The following DPP10 variants were observed in gnomAD, a reference collection of about 807,000 sequenced individuals.
DPP10 encodes the protein inactive dipeptidyl peptidase 10.
In DPP10, 33 loss-of-function variants were observed where a neutral mutation model predicts 120.9. The observed-to-expected ratio is 0.27, with a 90% CI of 0.21 to 0.37. The LOEUF (loss-of-function observed/expected upper bound fraction) is 0.37. Ranked by LOEUF, DPP10 falls within the 10% of genes least tolerant of loss-of-function variation. DPP10 has a pLI of 1.00. For synonymous variants in DPP10, 337 were observed against 326.1 expected, an observed-to-expected ratio of 1.03 and a Z score of -0.36; for missense variants, 816 against 942.8, an observed-to-expected ratio of 0.87 and a Z score of 1.76.
Position 115,457,001 on chromosome 2 carries a change from C to T in DPP10, c.272-42509C>T, listed in dbSNP as rs557939167. 1.3e-3 allele frequency among the ~76,000 whole-genome samples: 191 copies of T among 151,904 alleles called. 1 individual carries two copies. Among genetic ancestry groups the T allele is most frequent in the African/African-American group, 4.5e-3 (188 of 41,450 alleles). ...ACAAAAAAGAAATTGGAGGAATTGC[C>T]ATACCCGATTTCAAAACTTACTATA... On this transcript the variant is annotated intron_variant, in intron 3 of 25. Coordinates refer to ENST00000410059, the MANE Select transcript of DPP10 (RefSeq NM_020868.6).
At chr2:114,620,719 A>G (rs1247388594) in intron 1 of DPP10, among the ~76,000 whole-genome samples, 1 of 152,042 alleles carries the variant, frequency 6.6e-6, no homozygotes, top group Admixed American at 6.6e-5. Flanking sequence ...CAAATTCAAA[A>G]CTTCAGAGTT....
intron 1 of DPP10, among the ~76,000 whole-genome samples, chr2:115,026,533 C>G (rs1186291198): frequency 6.6e-6 from 1 of 151,492 alleles, no homozygotes; most frequent in Non-Finnish European, 1.5e-5. Flanking sequence ...TTTTTCTATT[C>G]CTTTTCTTTG....
At chr2:115,226,551 C>T (rs1238575520) in intron 1 of DPP10, among the ~76,000 whole-genome samples, 1 of 152,150 alleles carries the variant, frequency 6.6e-6, no homozygotes, top group African/African-American at 2.4e-5. Context: ...TCAAGTAAAA[C>T]TTAGCCGTGA....
chr2:115,699,516 T>C (rs1575556329), intron 7 of DPP10, among the ~76,000 whole-genome samples: 1 of 152,222 alleles, frequency 6.6e-6, no homozygotes, highest in African/African-American at 2.4e-5. Flanking sequence ...GCAAGAGAAT[T>C]GCTTGAACCT....
intron 1 of DPP10, among the ~76,000 whole-genome samples, chr2:115,208,922 T>G (rs1000330921): frequency 1.3e-5 from 2 of 152,176 alleles, no homozygotes; most frequent in African/African-American, 4.8e-5. Context: ...TTGACCCTTG[T>G]GCTTGGCTCT....
chr2:114,972,168 G>C (rs1389396769), intron 1 of DPP10, among the ~76,000 whole-genome samples: 1 of 152,164 alleles, frequency 6.6e-6, no homozygotes, highest in African/African-American at 2.4e-5. Context: ...GTCAGCAGCT[G>C]TGAACTTGTT....
chr2:115,756,458 G>A (rs1900279), intron 11 of DPP10, among the ~76,000 whole-genome samples: 85,792 of 151,746 alleles, frequency 0.57, 25,629 homozygotes, highest in East Asian at 0.72. Context: ...AATATATACA[G>A]TAATTACATG....
At chr2:114,757,568 A>G (rs1332791349) in intron 1 of DPP10, among the ~76,000 whole-genome samples, 1 of 152,180 alleles carries the variant, frequency 6.6e-6, no homozygotes, top group Non-Finnish European at 1.5e-5. Flanking sequence ...AGTGCCAGGG[A>G]GACTACTTGT....
chr2:115,145,540 T>C lies in DPP10; in HGVS notation c.61-163699T>C, dbSNP rs530074232. ...GTATGGATATACCACACTTTATTCA[T>C]CCATTCATCTCCTGAAGGGCATCTT... is the stretch of plus-strand genomic sequence containing the variant. On this transcript the variant is annotated intron_variant, in intron 1 of 25. Coordinates refer to ENST00000410059, the MANE Select transcript of DPP10 (RefSeq NM_020868.6). 5.9e-5 allele frequency among the ~76,000 whole-genome samples: 9 copies of C among 152,342 alleles called. No individual in the cohort carries two copies. The South Asian group carries it at 6.2e-4, about 11-fold the overall frequency.
intron 2 of DPP10, among the ~76,000 whole-genome samples, chr2:115,337,755 G>A (rs1433142155): frequency 1.3e-5 from 2 of 150,586 alleles, no homozygotes; most frequent in South Asian, 2.1e-4. Flanking sequence ...ATGTGTATAA[G>A]GAAGGAGTCT....
chr2:114,528,159 T>C (rs1685660137), intron 1 of DPP10, among the ~76,000 whole-genome samples: 1 of 152,098 alleles, frequency 6.6e-6, no homozygotes, highest in South Asian at 2.1e-4. Flanking sequence ...CCACCTCCCA[T>C]ACACACTGCA....
intron 3 of DPP10, among the ~76,000 whole-genome samples, chr2:115,429,650 T>C (rs185205413): frequency 7.9e-5 from 12 of 152,324 alleles, no homozygotes; most frequent in Admixed American, 3.3e-4. Flanking sequence ...AGTGAATGGC[T>C]TATATGTCCC....
intron 1 of DPP10, among the ~76,000 whole-genome samples, chr2:114,497,915 C>T (rs953805742): frequency 6.6e-5 from 10 of 152,176 alleles, no homozygotes; most frequent in Admixed American, 5.9e-4. Context: ...GATGCTCACT[C>T]GTCTACGGAA....
intron 1 of DPP10, among the ~76,000 whole-genome samples, chr2:114,822,529 A>G (rs1435357426): frequency 6.6e-6 from 1 of 152,078 alleles, no homozygotes; most frequent in East Asian, 1.9e-4. Context: ...TTCTTATGCA[A>G]ATTACTGTAG....
At chr2:115,334,397 T>C (rs955391428) in intron 2 of DPP10, among the ~76,000 whole-genome samples, 2 of 151,512 alleles carry the variant, frequency 1.3e-5, no homozygotes, top group Non-Finnish European at 1.5e-5. Flanking sequence ...ACTTTTCCTT[T>C]TTGGCTTTTG....
intron 1 of DPP10, among the ~76,000 whole-genome samples, chr2:114,515,730 CCTT>C (rs774653672): frequency 1.2e-4 from 19 of 152,056 alleles, no homozygotes; most frequent in Non-Finnish European, 2.2e-4. Context: ...TCTCCCTTTT[CCTT>C]CTTCTTTTTC....
chr2:115,777,042 C>A (rs921286956), intron 13 of DPP10, among the ~76,000 whole-genome samples, 166 bp from the exon 14 acceptor site: 1 of 152,148 alleles, frequency 6.6e-6, no homozygotes, highest in African/African-American at 2.4e-5. Context: ...CTGCCTTGAT[C>A]TGTGTTTATA....
chr2:115,010,426 G>C (rs1465657017), intron 1 of DPP10, among the ~76,000 whole-genome samples: 1 of 152,042 alleles, frequency 6.6e-6, no homozygotes, highest in Non-Finnish European at 1.5e-5. Context: ...TATTTTTATT[G>C]CTGAGAATAA....
chr2:115,495,390 T>A (rs1357597449), intron 3 of DPP10, among the ~76,000 whole-genome samples: 1 of 86,470 alleles, frequency 1.2e-5, no homozygotes, highest in East Asian at 4.2e-4. Flanking sequence ...AAAAAAGTTT[T>A]TCGTTCTGAT....
Sources: allele counts gnomAD v4.1 joint callset (sites outside exome capture counted in the v4.1 genomes callset), GRCh38; gene constraint gnomAD v4.1.1; transcripts MANE v1.5; gene names NCBI Gene and HGNC (gene_info 2026-07-23, HGNC 2026-07-21).